The following SEMA3A variants were observed in gnomAD, a reference collection of about 807,000 sequenced individuals.
SEMA3A encodes the protein semaphorin-3A.
SEMA3A carries 29 observed loss-of-function variants against 97.9 expected under a neutral mutation model. The ratio of observed to expected loss-of-function variants is 0.30; its 90% confidence interval spans 0.22 to 0.40. The LOEUF (loss-of-function observed/expected upper bound fraction) is 0.40. Among genes scored for constraint, SEMA3A ranks in the 10% least tolerant of loss-of-function variants. The pLI is 1.00. For synonymous variants in SEMA3A, 321 were observed against 323.7 expected (o/e 0.99, Z 0.09); for missense variants, 763 against 951.3 (o/e 0.80, Z 2.60).
At chr7:84,463,708 A>C (rs924599278) in intron 1 of SEMA3A, among the ~76,000 whole-genome samples, 12 of 152,044 alleles carry the variant, frequency 7.9e-5, no homozygotes, top group Non-Finnish European at 1.8e-4. Flanking sequence ...TCCCTGTTAA[A>C]CACCTGTTCA....
intron 3 of SEMA3A, among the ~76,000 whole-genome samples, chr7:84,229,231 TAAA>T (rs1305085244): frequency 6.6e-6 from 1 of 152,062 alleles, no homozygotes; most frequent in Non-Finnish European, 1.5e-5. Flanking sequence ...CCCTTGATAA[TAAA>T]ACCAAATAAT....
intron 1 of SEMA3A, chr7:84,372,257 A>C (rs1197290843): frequency 1.3e-5 from 2 of 151,936 alleles, no homozygotes; most frequent in African/African-American, 4.8e-5. Context: ...TGCTTTGGAC[A>C]TTTCCGGCTA....
At chr7:84,390,427 C>A (rs948631587) in intron 1 of SEMA3A, among the ~76,000 whole-genome samples, 1 of 151,036 alleles carries the variant, frequency 6.6e-6, no homozygotes, top group African/African-American at 2.4e-5. Context: ...AACCCCTTTA[C>A]TATGATAAAT....
At chr7:84,436,176 T>G (rs932386274) in intron 1 of SEMA3A, among the ~76,000 whole-genome samples, 3 of 152,142 alleles carry the variant, frequency 2.0e-5, no homozygotes, top group Non-Finnish European at 4.4e-5. Flanking sequence ...ATACAAATAT[T>G]AACTCAACCT....
intron 2 of SEMA3A, among the ~76,000 whole-genome samples, chr7:84,320,899 A>T (rs1017447474): frequency 6.6e-6 from 1 of 152,116 alleles, no homozygotes; most frequent in Non-Finnish European, 1.5e-5. Context: ...ATGTAAAATT[A>T]TTGTTAAGAT....
chr7:84,072,673 ACGGAGG>A lies in SEMA3A; in HGVS notation c.454-12121_454-12116del, dbSNP rs199503921. 5.3e-5 allele frequency among the ~76,000 whole-genome samples: 8 copies of A among 151,176 alleles called. No individual in the cohort carries two copies. In the East Asian group the frequency reaches 1.6e-3, roughly 31 times the overall value. On this transcript the variant is annotated intron_variant, in intron 4 of 16. Transcript: ENST00000265362. ...TAAGGTTTATATAGGTATTTGGAATACGGAGGTGAAAGATCTAGTTGTGAATCTCAA... is the reference window on the plus strand; with the variant it reads ...TAAGGTTTATATAGGTATTTGGAATATGAAAGATCTAGTTGTGAATCTCAA...
intron 4 of SEMA3A, among the ~76,000 whole-genome samples, chr7:84,091,755 C>A (rs1794611198): frequency 6.6e-6 from 1 of 152,030 alleles, no homozygotes; most frequent in Admixed American, 6.6e-5. Flanking sequence ...AGATGAATAT[C>A]CAGAAACTTA....
chr7:84,393,696 T>C (rs1803650478), intron 1 of SEMA3A, among the ~76,000 whole-genome samples: 1 of 152,112 alleles, frequency 6.6e-6, no homozygotes, highest in South Asian at 2.1e-4. Flanking sequence ...TATCAGAGAG[T>C]AATACATGCT....
At chr7:84,453,893 A>G (rs1418217977) in intron 1 of SEMA3A, among the ~76,000 whole-genome samples, 1 of 152,152 alleles carries the variant, frequency 6.6e-6, no homozygotes, top group Non-Finnish European at 1.5e-5. Flanking sequence ...TTTCTAGAAA[A>G]GAAAGTAATA....
chr7:84,351,904 A>G (rs1343910328), intron 2 of SEMA3A, among the ~76,000 whole-genome samples: 3 of 152,126 alleles, frequency 2.0e-5, no homozygotes, highest in Non-Finnish European at 4.4e-5. Context: ...CAGTATATCA[A>G]AGGGATATCT....
At chr7:84,067,119 A>G (rs922364415) in intron 4 of SEMA3A, among the ~76,000 whole-genome samples, 9 of 152,218 alleles carry the variant, frequency 5.9e-5, no homozygotes, top group African/African-American at 2.2e-4. Context: ...ATAACGCTGC[A>G]TATCTACAAG....
At chr7:84,063,061 G>A (rs1249648469) in intron 4 of SEMA3A, among the ~76,000 whole-genome samples, 3 of 151,874 alleles carry the variant, frequency 2.0e-5, no homozygotes, top group Non-Finnish European at 2.9e-5. Context: ...CCAGCACGCC[G>A]CTGGAGATCT....
intron 1 of SEMA3A, among the ~76,000 whole-genome samples, chr7:84,484,067 G>GA (rs1806513101): frequency 6.7e-6 from 1 of 149,206 alleles, no homozygotes; most frequent in Admixed American, 6.7e-5. Flanking sequence ...AAAAAAAAAA[G>GA]AAAAAATCTG....
chr7:84,010,865 C>T (rs1409299905), intron 9 of SEMA3A, among the ~76,000 whole-genome samples, 157 bp downstream of exon 9: 6 of 152,046 alleles, frequency 3.9e-5, no homozygotes, highest in African/African-American at 7.2e-5. Context: ...CAAACATCTA[C>T]GTAGATCATA....
intron 3 of SEMA3A, among the ~76,000 whole-genome samples, chr7:84,258,504 C>T (rs192142719): frequency 9.9e-5 from 15 of 152,210 alleles, no homozygotes; most frequent in Non-Finnish European, 1.6e-4. Context: ...CAATATTATG[C>T]TCTCATCCTT....
chr7:84,056,898 T>C lies in SEMA3A; in HGVS notation c.547+3567A>G, dbSNP rs185668164. Among the ~76,000 whole-genome samples, 198 of 152,324 alleles carry C rather than the reference T, an allele frequency of 1.3e-3. 2 individuals carry two copies. Among genetic ancestry groups the C allele is most frequent in the African/African-American group, 4.6e-3 (191 of 41,580 alleles). ...TTTGCTTATTTTATCTTTGCATATATTAAAGAATTACACAAGCACCGAAAA... is the reference window on the plus strand; with the variant it reads ...TTTGCTTATTTTATCTTTGCATATACTAAAGAATTACACAAGCACCGAAAA... On this transcript the variant is annotated intron_variant, in intron 5 of 16. Coordinates refer to ENST00000265362, the MANE Select transcript of SEMA3A (RefSeq NM_006080.3).
At chr7:83,976,457 T>A (rs182134307) in intron 15 of SEMA3A, among the ~76,000 whole-genome samples, 1 of 152,224 alleles carries the variant, frequency 6.6e-6, no homozygotes, top group East Asian at 1.9e-4. Flanking sequence ...ATTATTTCCA[T>A]AGTAATATGG....
chr7:84,090,009 A>T (rs1225598040), intron 4 of SEMA3A, among the ~76,000 whole-genome samples: 3 of 152,050 alleles, frequency 2.0e-5, no homozygotes, highest in Non-Finnish European at 4.4e-5. Context: ...TTGAAGTTAG[A>T]TCTATTTTGT....
chr7:84,128,259 G>A (rs1473086801), intron 3 of SEMA3A, among the ~76,000 whole-genome samples: 1 of 151,420 alleles, frequency 6.6e-6, no homozygotes, highest in Admixed American at 6.6e-5. Context: ...AAGGAAAGGA[G>A]AGAGGAAGAA....
Sources: allele counts gnomAD v4.1 joint callset (sites outside exome capture counted in the v4.1 genomes callset), GRCh38; gene constraint gnomAD v4.1.1; transcripts MANE v1.5; gene names NCBI Gene and HGNC (gene_info 2026-07-23, HGNC 2026-07-21).